GHR: variants seen among roughly 807,000 people sequenced by gnomAD.
The protein encoded by GHR is growth hormone receptor.
Under a neutral mutation model 67.1 loss-of-function variants are expected in GHR, and 35 were observed. The ratio of observed to expected loss-of-function variants is 0.52; its 90% CI spans 0.40 to 0.69. The LOEUF (loss-of-function observed/expected upper bound fraction) is 0.69. GHR is among the 30% of genes least tolerant of loss of function. The pLI, the probability that GHR is intolerant of heterozygous loss-of-function variation, is 0.00. For synonymous variants in GHR, 272 were observed against 269.1 expected (o/e 1.01, Z -0.10); for missense variants, 792 against 764.6 (o/e 1.04, Z -0.42).
chr5:42,506,264 C>T (rs1207766171), intron 1 of GHR, among the ~76,000 whole-genome samples: 1 of 151,814 alleles, frequency 6.6e-6, no homozygotes, highest in African/African-American at 2.4e-5. Flanking sequence ...AATTTTTTTC[C>T]CAAAAGCCCT....
chr5:42,540,976 C>T (rs1414381724), intron 1 of GHR, among the ~76,000 whole-genome samples: 36 of 137,436 alleles, frequency 2.6e-4, no homozygotes, highest in African/African-American at 9.7e-4. Flanking sequence ...TTACTTTCAT[C>T]TTCTGATTCA....
intron 1 of GHR, among the ~76,000 whole-genome samples, chr5:42,478,681 T>C (rs1417669516): frequency 6.6e-6 from 1 of 152,186 alleles, no homozygotes; most frequent in Non-Finnish European, 1.5e-5. Flanking sequence ...TTTGGCTCTC[T>C]GTTTGTCTGT....
chr5:42,691,278 C>A (rs1757411915), intron 4 of GHR, among the ~76,000 whole-genome samples: 1 of 152,176 alleles, frequency 6.6e-6, no homozygotes, highest in South Asian at 2.1e-4. Context: ...TGATTAAGTG[C>A]CAACCCAAAC....
At position 42,688,906 on chromosome 5, in the gene GHR, T is replaced by G; in HGVS notation, c.153T>G (p.Pro51=). 1 of 1,613,914 alleles carries G rather than the reference T, an allele frequency of 6.2e-7. No individual in the cohort carries two copies. The highest frequency in any genetic ancestry group is 8.5e-7 in the Non-Finnish European group (1 of 1,179,806). ...PGLKTNSSKE[P]KFTKCRSPER... ...ATTCTGCAGATTCTTCTAAGGAGCC[T>G]AAATTCACCAAGTGCCGTTCACCTG... Residue 51 remains proline (P), a synonymous_variant, in exon 4 of 10, where the codon CCT becomes CCG. Transcript: ENST00000230882.
intron 1 of GHR, among the ~76,000 whole-genome samples, chr5:42,477,076 C>T (rs1378565318): frequency 1.5e-5 from 2 of 135,364 alleles, no homozygotes; most frequent in African/African-American, 2.8e-5. Flanking sequence ...TGTTCCCCTT[C>T]CTGTGTCCAT....
intron 5 of GHR, among the ~76,000 whole-genome samples, chr5:42,697,679 A>T (rs1757744930): frequency 6.6e-6 from 1 of 152,186 alleles, no homozygotes; most frequent in South Asian, 2.1e-4. Context: ...CAGACAAGAC[A>T]GTCAAATCTA....
chr5:42,456,784 T>C (rs528298471), intron 1 of GHR, among the ~76,000 whole-genome samples: 22 of 152,230 alleles, frequency 1.4e-4, no homozygotes, highest in African/African-American at 4.6e-4. Flanking sequence ...GTAAGCTAGT[T>C]GGTTTGTGAA....
intron 4 of GHR, 111 bp from the exon 5 acceptor site, chr5:42,694,806 C>A (rs1319749521): frequency 2.4e-6 from 2 of 846,766 alleles, no homozygotes; most frequent in African/African-American, 1.7e-5. Context: ...TACCTCTTCA[C>A]AAAATATTTG....
At chr5:42,552,847 CTG>C (rs929590843) in intron 1 of GHR, among the ~76,000 whole-genome samples, 1 of 152,160 alleles carries the variant, frequency 6.6e-6, no homozygotes, top group African/African-American at 2.4e-5. Context: ...GCACCTGTCT[CTG>C]TGTTGGGACA....
At chr5:42,708,972 A>C (rs960232490) in intron 6 of GHR, among the ~76,000 whole-genome samples, 1 of 152,316 alleles carries the variant, frequency 6.6e-6, no homozygotes, top group Non-Finnish European at 1.5e-5. Flanking sequence ...GCTTATATAT[A>C]ATAATTTATT....
intron 1 of GHR, among the ~76,000 whole-genome samples, chr5:42,564,318 CTCACAAT>C: frequency 1.2e-5 from 1 of 85,788 alleles, no homozygotes; most frequent in Non-Finnish European, 2.4e-5. Context: ...TATTTGAAAT[CTCACAAT>C]GTGTGAGATT....
intron 1 of GHR, among the ~76,000 whole-genome samples, chr5:42,496,940 T>C (rs1746345836): frequency 6.6e-6 from 1 of 152,200 alleles, no homozygotes; most frequent in South Asian, 2.1e-4. Context: ...ACACTTTGCA[T>C]GTGAATAAGA....
At chr5:42,557,553 AT>A (rs1405223626) in intron 1 of GHR, among the ~76,000 whole-genome samples, 1 of 152,120 alleles carries the variant, frequency 6.6e-6, no homozygotes, top group Non-Finnish European at 1.5e-5. Flanking sequence ...TCTAATCCTG[AT>A]TTTTTTATTA....
intron 3 of GHR, among the ~76,000 whole-genome samples, chr5:42,634,187 T>C (rs1754058847): frequency 6.6e-6 from 1 of 152,156 alleles, no homozygotes; most frequent in Non-Finnish European, 1.5e-5. Context: ...AAGATGGTTG[T>C]GAGAATTATA....
At chr5:42,495,066 C>A (rs976736866) in intron 1 of GHR, among the ~76,000 whole-genome samples, 26 of 39,302 alleles carry the variant, frequency 6.6e-4, no homozygotes, top group Admixed American at 6.2e-3. Flanking sequence ...TGACACATTG[C>A]CAATTCCCAC....
At chr5:42,439,059 C>A (rs541791611) in intron 1 of GHR, among the ~76,000 whole-genome samples, 3 of 151,892 alleles carry the variant, frequency 2.0e-5, no homozygotes, top group South Asian at 2.1e-4. Flanking sequence ...GAGAAACTTT[C>A]CAGAAAAAAA....
intron 2 of GHR, among the ~76,000 whole-genome samples, chr5:42,590,948 A>C (rs1373667741): frequency 6.6e-6 from 1 of 152,230 alleles, no homozygotes; most frequent in African/African-American, 2.4e-5. Flanking sequence ...TTTTCAGTTC[A>C]GCACAGTAAA....
intron 1 of GHR, among the ~76,000 whole-genome samples, chr5:42,518,736 G>A (rs984443352): frequency 2.0e-5 from 3 of 152,130 alleles, no homozygotes; most frequent in South Asian, 2.1e-4. Context: ...TGAAGAAGGC[G>A]GGGCATTTTG....
chr5:42,564,920 A>T (rs1749839505), intron 1 of GHR, among the ~76,000 whole-genome samples: 1 of 152,248 alleles, frequency 6.6e-6, no homozygotes, highest in Non-Finnish European at 1.5e-5. Context: ...TAGTTGTCAG[A>T]CACAGCAACA....
Sources: gnomAD v4.1 joint callset for allele counts (sites outside exome capture counted in the v4.1 genomes callset) on GRCh38, gnomAD v4.1.1 for gene constraint, MANE v1.5 for transcripts, NCBI Gene and HGNC (gene_info 2026-07-23, HGNC 2026-07-21) for gene names.